The following PTPN14 variants were observed in gnomAD, a reference collection of about 807,000 sequenced individuals.
PTPN14 encodes the protein protein tyrosine phosphatase non-receptor type 14.
Under a neutral mutation model 126.8 loss-of-function variants are expected in PTPN14, and 53 were observed. That is an observed-to-expected ratio of 0.42 (90% CI 0.34 to 0.53). The LOEUF is 0.53. Ranked by LOEUF, PTPN14 falls within the 20% of genes least tolerant of loss-of-function variation. The probability of loss-of-function intolerance (pLI) is 0.08; values close to 1 mark genes in which losing one functional copy is unlikely to be tolerated. For synonymous variants in PTPN14, 630 were observed against 599.3 expected, an observed-to-expected ratio of 1.05 and a Z score of -0.75; for missense variants, 1,257 against 1,552.9, an observed-to-expected ratio of 0.81 and a Z score of 3.20.
chr1:214,479,488 C>A (rs1043863215), intron 1 of PTPN14, among the ~76,000 whole-genome samples: 1 of 151,896 alleles, frequency 6.6e-6, no homozygotes, highest in African/African-American at 2.4e-5. Context: ...TACAGGCGCC[C>A]ACCACCAAGC....
intron 15 of PTPN14, among the ~76,000 whole-genome samples, chr1:214,374,500 GT>G (rs530449611): frequency 7.9e-5 from 12 of 152,290 alleles, no homozygotes; most frequent in African/African-American, 2.9e-4. Context: ...TGACAGAAGG[GT>G]ATTAAAAACT....
chr1:214,463,977 T>C (rs925531690), intron 2 of PTPN14, among the ~76,000 whole-genome samples: 1 of 152,148 alleles, frequency 6.6e-6, no homozygotes, highest in Non-Finnish European at 1.5e-5. Context: ...AACATACTGC[T>C]CTGAAAGTCC....
chr1:214,429,697 T>G (rs1224508503), intron 3 of PTPN14, among the ~76,000 whole-genome samples: 1 of 152,232 alleles, frequency 6.6e-6, no homozygotes, highest in Non-Finnish European at 1.5e-5. Flanking sequence ...ATCCTTGATA[T>G]TTTGCCCAAA....
intron 1 of PTPN14, among the ~76,000 whole-genome samples, chr1:214,528,033 CTAACTT>C (rs1351631723): frequency 4.1e-4 from 62 of 152,282 alleles, no homozygotes; most frequent in South Asian, 3.5e-3. Flanking sequence ...ATAAGACACT[CTAACTT>C]TAAGTCATCG....
intron 1 of PTPN14, among the ~76,000 whole-genome samples, chr1:214,516,797 A>G (rs1257146969): frequency 6.6e-6 from 1 of 152,118 alleles, no homozygotes; most frequent in Non-Finnish European, 1.5e-5. Context: ...ACCTAGGGAA[A>G]TTCTAATCTT....
intron 4 of PTPN14, among the ~76,000 whole-genome samples, chr1:214,412,275 C>T (rs896127496): frequency 3.9e-5 from 6 of 152,114 alleles, no homozygotes; most frequent in African/African-American, 7.2e-5. Flanking sequence ...TTCATGTCAC[C>T]GTGGTACAGT....
At chr1:214,465,035 GCCCCCCCCC>G (rs1183571712) in intron 1 of PTPN14, 78 bp from the exon 2 acceptor site, 19 of 279,872 alleles carry the variant, frequency 6.8e-5, no homozygotes, top group Admixed American at 3.6e-4. Flanking sequence ...ACACACAGAA[GCCCCCCCCC>G]CCCCCCACCC....
chr1:214,433,155 A>G (rs1395564225), intron 3 of PTPN14, among the ~76,000 whole-genome samples: 2 of 151,974 alleles, frequency 1.3e-5, no homozygotes, highest in Non-Finnish European at 2.9e-5. Flanking sequence ...CATCCACCTC[A>G]GCCTCCCAAA....
intron 1 of PTPN14, among the ~76,000 whole-genome samples, chr1:214,514,351 T>C (rs1398496191): frequency 1.3e-5 from 2 of 152,218 alleles, no homozygotes; most frequent in African/African-American, 4.8e-5. Flanking sequence ...GTATGGGTCC[T>C]ACTGATGCAT....
intron 18 of PTPN14, among the ~76,000 whole-genome samples, chr1:214,359,910 T>C (rs1657915309): frequency 6.6e-6 from 1 of 152,224 alleles, no homozygotes; most frequent in Non-Finnish European, 1.5e-5. Context: ...TATACTATCA[T>C]TAATGAAAGG....
rs761934022 is a variant in PTPN14 at position 214,384,639 on chromosome 1, C to A, written c.1216G>T (p.Ala406Ser). ...SLNCSQSFIQ[A>S]SPVSSNLSIP... Reference sequence around the variant, plus strand: ...CTGAGGTTGGAGGATACAGGGGAGGCCTGGATGAAACTTTGCGAGCAGTTG... The same window carrying A: ...CTGAGGTTGGAGGATACAGGGGAGGACTGGATGAAACTTTGCGAGCAGTTG... The change falls in exon 13 of 19, where the codon GCC becomes TCC. Residue 406 changes from alanine to serine, a missense_variant. Around this residue, in one of 3 missense-constraint regions of PTPN14, gnomAD observed 1,021 missense variants for 1,183.3 expected, o/e 0.86. Coordinates refer to ENST00000366956, the MANE Select transcript of PTPN14 (RefSeq NM_005401.5). This position sits in a 1 kb window ranked among gnomAD's most constrained non-coding sequence, Gnocchi z 5.3. 5.6e-6 allele frequency: 9 copies of A among 1,614,002 alleles called. No homozygotes were observed. The highest frequency in any genetic ancestry group is 7.6e-6 in the Non-Finnish European group (9 of 1,180,036).
At position 214,348,920 on chromosome 1, in the gene PTPN14, C is replaced by T. The variant is rs996016584; in HGVS notation, c.*9002G>A. 1 of 152,246 alleles carries T rather than the reference C, an allele frequency of 6.6e-6. No homozygotes were observed. The highest frequency in any genetic ancestry group is 2.1e-4 in the South Asian group (1 of 4,820). The allele number at this position is 152,246 out of a possible 1,614,324, so 9.4% of individuals were successfully genotyped here. ...ATACTGTCAAAGTCAGTTCTATACA[C>T]CTCATAACTGTGTATACAACTGGCA... On this transcript the variant is annotated 3_prime_UTR_variant, in exon 19 of 19. Coordinates refer to ENST00000366956, the MANE Select transcript of PTPN14 (RefSeq NM_005401.5).
chr1:214,394,354 G>A (rs568619646), intron 9 of PTPN14, among the ~76,000 whole-genome samples: 1 of 152,266 alleles, frequency 6.6e-6, no homozygotes, highest in East Asian at 1.9e-4. Context: ...GCAGTTGGAG[G>A]GACCAGAGTC....
chr1:214,433,448 A>T (rs1410256216), intron 3 of PTPN14, among the ~76,000 whole-genome samples: 1 of 151,962 alleles, frequency 6.6e-6, no homozygotes, highest in Non-Finnish European at 1.5e-5. Context: ...AAAATGGGAT[A>T]TTTAAGGGAG....
chr1:214,375,000 C>T (rs573386077), intron 15 of PTPN14, among the ~76,000 whole-genome samples: 34 of 152,276 alleles, frequency 2.2e-4, no homozygotes, highest in South Asian at 4.1e-4. Flanking sequence ...ATGAAACCCA[C>T]CACTGACAGT....
intron 1 of PTPN14, among the ~76,000 whole-genome samples, chr1:214,523,172 C>T (rs1655301514): frequency 6.6e-6 from 1 of 151,500 alleles, no homozygotes; most frequent in Non-Finnish European, 1.5e-5. Flanking sequence ...AGAGGCAGTG[C>T]CCTTGAACCT....
intron 1 of PTPN14, among the ~76,000 whole-genome samples, 177 bp from the exon 2 acceptor site, chr1:214,465,134 T>C (rs1660605335): frequency 6.6e-6 from 1 of 151,778 alleles, no homozygotes; most frequent in South Asian, 2.1e-4. Context: ...CCATGCCCTA[T>C]GCCTTATCTT....
intron 3 of PTPN14, among the ~76,000 whole-genome samples, chr1:214,423,072 C>T (rs977061839): frequency 2.6e-5 from 4 of 151,740 alleles, no homozygotes; most frequent in South Asian, 2.1e-4. Flanking sequence ...GTGAGGAGAT[C>T]GCTTCAGCCC....
At chr1:214,445,623 C>A (rs1660126976) in intron 3 of PTPN14, among the ~76,000 whole-genome samples, 1 of 151,392 alleles carries the variant, frequency 6.6e-6, no homozygotes, top group East Asian at 1.9e-4. Flanking sequence ...AAGTTTGTAG[C>A]CTAAATTCAC....
Sources: allele counts gnomAD v4.1 joint callset (sites outside exome capture counted in the v4.1 genomes callset), GRCh38; gene constraint gnomAD v4.1.1; regional missense constraint gnomAD v4.1.1; non-coding constraint Gnocchi (gnomAD v3.1); transcripts MANE v1.5; gene names NCBI Gene and HGNC (gene_info 2026-07-23, HGNC 2026-07-21).